Variants in SLC44A5 observed in about 807,000 individuals in gnomAD.
SLC44A5 encodes the protein solute carrier family 44 member 5.
In SLC44A5, 57 loss-of-function variants were observed where a neutral mutation model predicts 101.8. The observed-to-expected ratio is 0.56, with a 90% CI of 0.45 to 0.70. SLC44A5 has a LOEUF of 0.70. Among genes scored for constraint, SLC44A5 ranks in the 30% least tolerant of loss-of-function variants. SLC44A5 has a pLI of 0.00. For missense variants in SLC44A5, 737 were observed against 853.1 expected (o/e 0.86, Z 1.70); for synonymous variants, 281 against 290.9 (o/e 0.97, Z 0.35).
chr1:75,702,497 C>T, the SLC44A5 span, among the ~76,000 whole-genome samples: 1 of 151,994 alleles, frequency 6.6e-6, no homozygotes, highest in Non-Finnish European at 1.5e-5. Context: ...ACACCTTATA[C>T]AAAAATTAAT....
chr1:75,424,292 TTTTGTTTG>T (rs575319070), intron 2 of SLC44A5, among the ~76,000 whole-genome samples: 16 of 151,980 alleles, frequency 1.1e-4, no homozygotes, highest in African/African-American at 3.6e-4. Flanking sequence ...TCTAAGGTAG[TTTTGTTTG>T]TTTGTTTGTT....
At chr1:75,352,319 A>C (rs1241441392) in intron 3 of SLC44A5, among the ~76,000 whole-genome samples, 5 of 152,060 alleles carry the variant, frequency 3.3e-5, no homozygotes, top group Non-Finnish European at 7.4e-5. Context: ...TATTAAGTCC[A>C]GCATCCCTTA....
chr1:75,597,185 C>T (rs1190063012), intron 1 of SLC44A5, among the ~76,000 whole-genome samples: 1 of 106,430 alleles, frequency 9.4e-6, no homozygotes, highest in African/African-American at 3.9e-5. Flanking sequence ...CAGACTTTGT[C>T]TCAAAAAAAA....
At chr1:75,206,428 T>C in intron 23 of SLC44A5, 1 of 528,530 alleles carries the variant, frequency 1.9e-6, no homozygotes, top group East Asian at 3.1e-5. Context: ...GACCACTGTC[T>C]ATAAAGTAGA....
intron 5 of SLC44A5, among the ~76,000 whole-genome samples, chr1:75,279,138 T>A (rs909301820): frequency 5.3e-5 from 8 of 152,088 alleles, no homozygotes; most frequent in Admixed American, 2.0e-4. Context: ...TGTCAGATAC[T>A]AAAATTTATT....
the SLC44A5 span, among the ~76,000 whole-genome samples, chr1:75,634,719 A>C: frequency 6.6e-6 from 1 of 151,494 alleles, no homozygotes; most frequent in Non-Finnish European, 1.5e-5. Context: ...CCTAGAAGAA[A>C]ACCTAGGCAT....
chr1:75,467,686 A>G (rs1666897546), intron 2 of SLC44A5, among the ~76,000 whole-genome samples: 1 of 152,336 alleles, frequency 6.6e-6, no homozygotes, highest in Admixed American at 6.5e-5. Context: ...CTAAATCAAA[A>G]TGGATTGAAG....
intron 5 of SLC44A5, among the ~76,000 whole-genome samples, chr1:75,289,351 C>A (rs1380971076): frequency 6.6e-6 from 1 of 152,082 alleles, no homozygotes; most frequent in Non-Finnish European, 1.5e-5. Context: ...TGAAGAAAAT[C>A]CATGTTTTTT....
At chr1:75,316,970 T>A (rs1231294835) in intron 4 of SLC44A5, among the ~76,000 whole-genome samples, 1 of 152,150 alleles carries the variant, frequency 6.6e-6, no homozygotes. Flanking sequence ...AGAGGGCAAA[T>A]CATTTCTAGG....
chr1:75,392,798 T>C (rs1661880125), intron 3 of SLC44A5, among the ~76,000 whole-genome samples: 1 of 152,166 alleles, frequency 6.6e-6, no homozygotes, highest in African/African-American at 2.4e-5. Flanking sequence ...GTGGTACATA[T>C]ACACCAGGGA....
At chr1:75,204,995 AAGAT>A (rs1198075529) in intron 23 of SLC44A5, 3 of 152,224 alleles carry the variant, frequency 2.0e-5, no homozygotes. Context: ...CTAATCTAGA[AAGAT>A]AAGTTGTCAT....
chr1:75,610,495 G>A (rs1371344564), intron 1 of SLC44A5, among the ~76,000 whole-genome samples: 1 of 151,990 alleles, frequency 6.6e-6, no homozygotes, highest in Non-Finnish European at 1.5e-5. Context: ...TTTAAAACAT[G>A]GCATCTGGTT....
chr1:75,445,006 T>C (rs1161109506), intron 2 of SLC44A5, among the ~76,000 whole-genome samples: 2 of 152,134 alleles, frequency 1.3e-5, no homozygotes, highest in Admixed American at 1.3e-4. Flanking sequence ...CAAGAAAATG[T>C]AATGAGACAT....
At chr1:75,241,186 A>G (rs1352505670) in intron 9 of SLC44A5, among the ~76,000 whole-genome samples, 1 of 152,004 alleles carries the variant, frequency 6.6e-6, no homozygotes, top group East Asian at 1.9e-4. Flanking sequence ...GATTATATCC[A>G]TAAGAAAGAA....
the SLC44A5 span, among the ~76,000 whole-genome samples, chr1:75,646,976 C>G: frequency 6.6e-6 from 1 of 152,184 alleles, no homozygotes; most frequent in African/African-American, 2.4e-5. Context: ...CAGATGCAGA[C>G]ATTTGCATAA....
At chr1:75,568,933 T>G (rs1006937474) in intron 1 of SLC44A5, among the ~76,000 whole-genome samples, 1 of 152,170 alleles carries the variant, frequency 6.6e-6, no homozygotes, top group Non-Finnish European at 1.5e-5. Flanking sequence ...CCTTACAATT[T>G]TAATTAATCC....
chr1:75,306,138 T>A (rs983250320), intron 4 of SLC44A5, among the ~76,000 whole-genome samples: 1 of 152,256 alleles, frequency 6.6e-6, no homozygotes, highest in African/African-American at 2.4e-5. Flanking sequence ...ACAGCAATAC[T>A]AATATATGTA....
At chr1:75,603,491 T>C (rs1675119775) in intron 1 of SLC44A5, among the ~76,000 whole-genome samples, 1 of 151,960 alleles carries the variant, frequency 6.6e-6, no homozygotes, top group Non-Finnish European at 1.5e-5. Context: ...TTTGAGGATA[T>C]ATGCCCAGTA....
At chr1:75,371,479 T>A (rs1473503089) in intron 3 of SLC44A5, among the ~76,000 whole-genome samples, 1 of 152,164 alleles carries the variant, frequency 6.6e-6, no homozygotes, top group Non-Finnish European at 1.5e-5. Flanking sequence ...CATCAACATA[T>A]CCAAAGACCC....
Sources: gnomAD v4.1 joint callset for allele counts (sites outside exome capture counted in the v4.1 genomes callset) on GRCh38, gnomAD v4.1.1 for gene constraint, MANE v1.5 for transcripts, NCBI Gene and HGNC (gene_info 2026-07-23, HGNC 2026-07-21) for gene names.